The following RAB11FIP3 variants were observed in gnomAD, a reference collection of about 807,000 sequenced individuals.
RAB11FIP3 encodes the protein RAB11 family interacting protein 3, also known as rab11 family-interacting protein 3.
RAB11FIP3 carries 17 observed loss-of-function variants against 77.8 expected under a neutral mutation model. The ratio of observed to expected loss-of-function variants is 0.22; its 90% CI spans 0.15 to 0.33. The LOEUF is 0.33. RAB11FIP3 is among the 10% of genes least tolerant of loss of function. The pLI is 1.00. For synonymous variants in RAB11FIP3, 437 were observed against 448.2 expected (o/e 0.98, Z 0.31); for missense variants, 1,005 against 1,011.2 (o/e 0.99, Z 0.08).
chr16:513,993 G>A (rs2032298785), intron 9 of RAB11FIP3, among the ~76,000 whole-genome samples: 1 of 152,230 alleles, frequency 6.6e-6, no homozygotes, highest in South Asian at 2.1e-4. Context: ...CTGAGGTTGG[G>A]GCACAGCCGT....
Position 426,164 on chromosome 16 carries a change from C to A in RAB11FIP3, c.158C>A (p.Pro53Gln), listed in dbSNP as rs2054937592. 9.8e-7 allele frequency: 1 copy of A among 1,015,462 alleles called. No homozygotes were observed. Among genetic ancestry groups the A allele is most frequent in the South Asian group, 4.5e-5 (1 of 22,394 alleles). The allele number at this position is 1,015,462 out of a possible 1,614,324, so 62.9% of individuals were successfully genotyped here. A position where few individuals can be genotyped will look rare whatever the true frequency, so the allele number is the denominator to read the frequency against. The change falls in exon 1 of 14, where the codon CCG becomes CAG. Residue 53 changes from proline to glutamine, a missense_variant. Transcript: ENST00000262305. The surrounding 1 kb of genome is among the most constrained non-coding windows in gnomAD (Gnocchi z 5.0). ...GTCGGCGGCCCCGACCCGCAGTCCC[C>A]GGGCCTGGATGAGCCTGCGCCCGGG... is the stretch of plus-strand genomic sequence containing the variant. Reference protein sequence around the residue: ...APVGGPDPQSPGLDEPAPGAA... With the variant: ...APVGGPDPQSQGLDEPAPGAA...
chr16:436,095 G>C (rs994399781), intron 1 of RAB11FIP3, among the ~76,000 whole-genome samples: 2 of 152,162 alleles, frequency 1.3e-5, no homozygotes, highest in African/African-American at 2.4e-5. Context: ...CGACTCACAA[G>C]GTCAGGAGTT....
intron 2 of RAB11FIP3, among the ~76,000 whole-genome samples, chr16:463,189 G>A (rs2055645483): frequency 6.6e-6 from 1 of 152,122 alleles, no homozygotes; most frequent in African/African-American, 2.4e-5. Flanking sequence ...GTTTGGCCAG[G>A]CGGTGTAGGG....
intron 6 of RAB11FIP3, among the ~76,000 whole-genome samples, chr16:502,444 A>T (rs987580515): frequency 6.6e-6 from 1 of 152,044 alleles, no homozygotes; most frequent in African/African-American, 2.4e-5. Flanking sequence ...GTCTTCCTGG[A>T]CTCGGTCGGA....
At chr16:440,163 A>G (rs2055201712) in intron 1 of RAB11FIP3, among the ~76,000 whole-genome samples, 1 of 149,636 alleles carries the variant, frequency 6.7e-6, no homozygotes, top group African/African-American at 2.5e-5. Flanking sequence ...ATTAATATTT[A>G]TTTCTTTACT....
rs1338361940 is a variant in RAB11FIP3 at position 522,313 on chromosome 16, C to G, written c.*1474C>G. ...GACTGGCACCCTGCCTCTCTGTGCC[C>G]AGGCCCAGCCCTGGTGACATGGCAC... is the stretch of plus-strand genomic sequence containing the variant. On this transcript the variant is annotated 3_prime_UTR_variant, in exon 14 of 14. Coordinates refer to ENST00000262305, the MANE Select transcript of RAB11FIP3 (RefSeq NM_014700.4). 1.3e-5 allele frequency: 2 copies of G among 150,608 alleles called. No individual in the cohort carries two copies. The highest frequency in any genetic ancestry group is 1.5e-5 in the Non-Finnish European group (1 of 67,780). The allele number at this position is 150,608 out of a possible 1,614,324, so 9.3% of individuals were successfully genotyped here. A position where few individuals can be genotyped will look rare whatever the true frequency, so the allele number is the denominator to read the frequency against.
intron 2 of RAB11FIP3, among the ~76,000 whole-genome samples, chr16:469,609 A>G (rs1342335134): frequency 6.7e-6 from 1 of 149,952 alleles, no homozygotes; most frequent in Non-Finnish European, 1.5e-5. Context: ...GGGATGGTCT[A>G]GAACTCCTGA....
At chr16:491,404 T>C in intron 5 of RAB11FIP3, 1 of 931,866 alleles carries the variant, frequency 1.1e-6, no homozygotes, top group Non-Finnish European at 1.4e-6. Flanking sequence ...GGGCCCCGCC[T>C]CCCACCCTGC....
intron 6 of RAB11FIP3, among the ~76,000 whole-genome samples, chr16:498,164 C>G (rs902324409): frequency 2.6e-5 from 4 of 151,850 alleles, no homozygotes; most frequent in Non-Finnish European, 4.4e-5. Context: ...AGAACAGAAA[C>G]CTTTTGTTTT....
At chr16:518,795 G>A (rs2032535295) in intron 9 of RAB11FIP3, 148 bp from the exon 10 acceptor site, 1 of 706,066 alleles carries the variant, frequency 1.4e-6, no homozygotes, top group Non-Finnish European at 2.5e-6. Context: ...GAGCACATGG[G>A]TGGGCACATA....
chr16:492,458 CCG>C (rs2030559292), intron 5 of RAB11FIP3, among the ~76,000 whole-genome samples: 6 of 74,426 alleles, frequency 8.1e-5, no homozygotes, highest in Admixed American at 2.9e-4. Flanking sequence ...AGGGCCCTTC[CCG>C]GGGAGACCCG....
intron 1 of RAB11FIP3, among the ~76,000 whole-genome samples, chr16:444,981 G>A (rs974340513): frequency 2.0e-5 from 3 of 151,864 alleles, no homozygotes; most frequent in African/African-American, 7.3e-5. Flanking sequence ...AGGCATCATG[G>A]TGGGTACCTG....
chr16:499,696 C>T (rs529242316), intron 6 of RAB11FIP3, among the ~76,000 whole-genome samples: 1 of 151,086 alleles, frequency 6.6e-6, no homozygotes, highest in East Asian at 2.0e-4. Context: ...TACTCAGGAG[C>T]CTGAGGTAGG....
At position 465,402 on chromosome 16, in the gene RAB11FIP3, A is replaced by G. The variant is rs180987600; in HGVS notation, c.808+3905A>G. On this transcript the variant is annotated intron_variant, in intron 2 of 13. Transcript: ENST00000262305. ...GTACTTCTTGGTCCAGTAACAAGCC[A>G]TATTTTACATAGCCATAATAGTTAA... Among the ~76,000 whole-genome samples the G allele has an allele frequency of 3.7e-3, 565 of 152,284 alleles. 2 individuals carry two copies. The highest frequency in any genetic ancestry group is 0.012 in the South Asian group (58 of 4,820).
intron 6 of RAB11FIP3, among the ~76,000 whole-genome samples, chr16:501,957 C>T (rs2031557716): frequency 6.6e-6 from 1 of 151,962 alleles, no homozygotes; most frequent in South Asian, 2.1e-4. Context: ...AGAGGGTCCC[C>T]CCATTTCATA....
Position 448,552 on chromosome 16 carries a change from C to T in RAB11FIP3, c.715-12852C>T, listed in dbSNP as rs148908594. On this transcript the variant is annotated intron_variant, in intron 1 of 13. Coordinates refer to ENST00000262305, the MANE Select transcript of RAB11FIP3 (RefSeq NM_014700.4). ...GAGATCGAGACCATCCTGGCTAACA[C>T]GGTGAAACCCCTTCTCTAATAAAAA... 9.3e-3 allele frequency among the ~76,000 whole-genome samples: 1,417 copies of T among 151,764 alleles called. 21 individuals carry two copies. The highest frequency in any genetic ancestry group is 0.032 in the African/African-American group (1,312 of 41,380).
intron 1 of RAB11FIP3, among the ~76,000 whole-genome samples, chr16:442,539 G>A (rs1161273047): frequency 6.6e-6 from 1 of 152,172 alleles, no homozygotes; most frequent in Admixed American, 6.5e-5. Flanking sequence ...CGCTTCTGGT[G>A]TCTGGTTGCT....
At chr16:487,134 T>TC (rs1230565367) in intron 4 of RAB11FIP3, among the ~76,000 whole-genome samples, 3 of 148,658 alleles carry the variant, frequency 2.0e-5, no homozygotes, top group Non-Finnish European at 3.0e-5. Flanking sequence ...TTGGTTTCTT[T>TC]TTTTTTTTTT....
rs1444623813 is a variant in RAB11FIP3 at position 520,269 on chromosome 16, C to T, written c.2008C>T (p.Leu670=). The T allele has an allele frequency of 1.3e-6, 2 of 1,546,174 alleles. No homozygotes were observed. Among genetic ancestry groups the T allele is most frequent in the African/African-American group, 2.7e-5 (2 of 73,396 alleles). Residue 670 remains leucine (L), a synonymous_variant, in exon 12 of 14, where the codon CTG becomes TTG. Coordinates refer to ENST00000262305, the MANE Select transcript of RAB11FIP3 (RefSeq NM_014700.4). The part of the protein sequence containing the change: ...ESELEQEVRR[L]KQDNRNLKEQ... The stretch of plus-strand genomic sequence containing the variant: ...CGAGCTGGAGCAGGAGGTCCGCAGG[C>T]TGAAGCAGGTGGGCAGGCCTGGGCC...
Sources: gnomAD v4.1 joint callset for allele counts (sites outside exome capture counted in the v4.1 genomes callset) on GRCh38, gnomAD v4.1.1 for gene constraint, Gnocchi (gnomAD v3.1) non-coding constraint, MANE v1.5 for transcripts, NCBI Gene and HGNC (gene_info 2026-07-23, HGNC 2026-07-21) for gene names.